The following ACSS2 variants were observed in gnomAD, a reference collection of about 807,000 sequenced individuals.
ACSS2 encodes the protein acetyl-coenzyme A synthetase, cytoplasmic.
Under a neutral mutation model 90.6 loss-of-function variants are expected in ACSS2, and 58 were observed. The ratio of observed to expected loss-of-function variants is 0.64; its 90% CI spans 0.52 to 0.80. ACSS2 has a LOEUF of 0.80. Among genes scored for constraint, ACSS2 ranks in the 30% least tolerant of loss-of-function variants. The pLI, the probability that ACSS2 is intolerant of heterozygous loss-of-function variation, is 0.00. For synonymous variants in ACSS2, 300 were observed against 330.9 expected, an observed-to-expected ratio of 0.91 and a Z score of 1.01; for missense variants, 759 against 912.0, an observed-to-expected ratio of 0.83 and a Z score of 2.16.
intron 2 of ACSS2, among the ~76,000 whole-genome samples, chr20:34,888,267 C>A (rs921856849): frequency 6.6e-6 from 1 of 152,010 alleles, no homozygotes; most frequent in Admixed American, 6.6e-5. Flanking sequence ...TGATCTTGGG[C>A]AAGTTACTTA....
rs926212902 is a variant in ACSS2 at position 34,920,969 on chromosome 20, T to TGA, written c.1144-37_1144-36insGA. 6 of 1,613,082 alleles carry TGA rather than the reference T, an allele frequency of 3.7e-6. No homozygotes were observed. In the African/African-American group the frequency reaches 8.0e-5, roughly 22 times the overall value. On this transcript the variant is annotated intron_variant, in intron 9 of 17. Coordinates refer to ENST00000360596, the MANE Select transcript of ACSS2 (RefSeq NM_018677.4). ...GTAGGGGGATGAATAGAAGGACTAT[T>TGA]AGGAAAGACTGGGAATGACCAGCCT... is the stretch of plus-strand genomic sequence containing the variant.
At chr20:34,887,707 C>T (rs2080231983) in intron 2 of ACSS2, among the ~76,000 whole-genome samples, 1 of 151,856 alleles carries the variant, frequency 6.6e-6, no homozygotes, top group African/African-American at 2.4e-5. Context: ...TGCCATTGCA[C>T]TCCACCCTGG....
At chr20:34,924,887 A>G (rs2081283987) in intron 14 of ACSS2, among the ~76,000 whole-genome samples, 1 of 150,882 alleles carries the variant, frequency 6.6e-6, no homozygotes. Context: ...TTTAGTAGAG[A>G]CGGGGTTTCA....
At chr20:34,909,103 TGGAAGGAAGGCTGA>T (rs1240685408) in intron 2 of ACSS2, among the ~76,000 whole-genome samples, 1 of 147,400 alleles carries the variant, frequency 6.8e-6, no homozygotes, top group Non-Finnish European at 1.5e-5. Flanking sequence ...CCCAACACTT[TGGAAGGAAGGCTGA>T]GGCAGGAGGA....
chr20:34,902,624 C>T (rs757542689), intron 2 of ACSS2, among the ~76,000 whole-genome samples: 5 of 152,056 alleles, frequency 3.3e-5, no homozygotes, highest in African/African-American at 4.8e-5. Flanking sequence ...AGCAGGAGTG[C>T]GGATTTTCTT....
chr20:34,905,222 G>T (rs1384513572), intron 2 of ACSS2, among the ~76,000 whole-genome samples: 5 of 149,626 alleles, frequency 3.3e-5, no homozygotes, highest in Admixed American at 2.6e-4. Flanking sequence ...TGGCCTTAAA[G>T]CTTTAAAAAA....
In ACSS2 at chr20:34,912,093, C is replaced by T. The variant is rs183648723; in HGVS notation, c.375-1003C>T. Among the ~76,000 whole-genome samples, 389 of 152,088 alleles carry T rather than the reference C, an allele frequency of 2.6e-3. 3 individuals carry two copies. The highest frequency in any genetic ancestry group is 0.01 in the Middle Eastern group (3 of 292). On this transcript the variant is annotated intron_variant, in intron 2 of 17. Transcript: ENST00000360596. ...TCAGTCTCCTAGTGTGTTGGGATTA[C>T]AGGAAAGAGCCACCACGCCCCGCCC...
intron 2 of ACSS2, among the ~76,000 whole-genome samples, chr20:34,899,769 G>C (rs2080601051): frequency 6.6e-6 from 1 of 152,120 alleles, no homozygotes; most frequent in South Asian, 2.1e-4. Context: ...TTACAGGCAT[G>C]AGTCACCACA....
chr20:34,923,695 G>A (rs2081250773), intron 14 of ACSS2, among the ~76,000 whole-genome samples: 1 of 152,148 alleles, frequency 6.6e-6, no homozygotes, highest in African/African-American at 2.4e-5. Context: ...AAGAGAGGAA[G>A]CAAGGGAGAG....
chr20:34,927,532 A>G lies in ACSS2; in HGVS notation c.*318A>G. The stretch of plus-strand genomic sequence containing the variant: ...GGGATGTGAGGGCCTCCACTGAAGC[A>G]GGGAGGCAGCTGTGTAATCCTATGT... On this transcript the variant is annotated 3_prime_UTR_variant, in exon 18 of 18. Coordinates refer to ENST00000360596, the MANE Select transcript of ACSS2 (RefSeq NM_018677.4). This position sits in a 1 kb window ranked among gnomAD's most constrained non-coding sequence, Gnocchi z 4.2. 1 of 361,724 alleles carries G rather than the reference A, an allele frequency of 2.8e-6. No homozygotes were observed. Among genetic ancestry groups the G allele is most frequent in the South Asian group, 4.3e-5 (1 of 23,040 alleles). The allele number at this position is 361,724 out of a possible 1,614,324, so 22.4% of individuals were successfully genotyped here.
intron 14 of ACSS2, among the ~76,000 whole-genome samples, chr20:34,924,203 A>G (rs1255704842): frequency 3.3e-5 from 5 of 152,240 alleles, no homozygotes; most frequent in Non-Finnish European, 7.3e-5. Flanking sequence ...CCATTCATCC[A>G]TAAGATCTGA....
At position 34,913,185 on chromosome 20, in the gene ACSS2, A is replaced by G; in HGVS notation, c.464A>G (p.Gln155Arg). The change falls in exon 3 of 18, where the codon CAG (glutamine) becomes CGG (arginine). Residue 155 changes from glutamine to arginine, a missense_variant and splice_region_variant. Gln to Arg is a conservative substitution (Grantham distance 43). Coordinates refer to ENST00000360596, the MANE Select transcript of ACSS2 (RefSeq NM_018677.4). ...VCQFSNVLRK[Q>R]GIQKGDRVAI... is the part of the protein sequence containing the mutation. ...CAGTTCAGCAATGTTCTCCGAAAAC[A>G]GGGTGAGTGTGGGGGTGTGGGAAAG... 1.2e-6 allele frequency: 2 copies of G among 1,614,108 alleles called. No individual in the cohort carries two copies. The highest frequency in any genetic ancestry group is 1.7e-6 in the Non-Finnish European group (2 of 1,180,004).
At chr20:34,925,491 G>GAC (rs2081296342) in intron 14 of ACSS2, among the ~76,000 whole-genome samples, 1 of 152,066 alleles carries the variant, frequency 6.6e-6, no homozygotes, top group South Asian at 2.1e-4. Context: ...ACTAACCCTA[G>GAC]TACAATGAGA....
At chr20:34,909,846 A>G (rs2080905358) in intron 2 of ACSS2, among the ~76,000 whole-genome samples, 1 of 151,378 alleles carries the variant, frequency 6.6e-6, no homozygotes, top group African/African-American at 2.4e-5. Flanking sequence ...CCTCCCAAGT[A>G]GCTGGGACTA....
chr20:34,876,868 A>T (rs1384797876), intron 1 of ACSS2, 45 bp downstream of exon 1: 1 of 1,218,984 alleles, frequency 8.2e-7, no homozygotes, highest in South Asian at 3.4e-5. Flanking sequence ...TGAGGAGAAG[A>T]GTGGGGGCTC....
intron 7 of ACSS2, among the ~76,000 whole-genome samples, chr20:34,914,819 G>A (rs2081043990): frequency 1.3e-5 from 2 of 152,178 alleles, no homozygotes; most frequent in Admixed American, 6.5e-5. Context: ...CCTAAGGGAT[G>A]CCCACCTTGG....
intron 2 of ACSS2, among the ~76,000 whole-genome samples, chr20:34,906,721 G>A (rs548011701): frequency 2.0e-5 from 3 of 152,068 alleles, no homozygotes; most frequent in Admixed American, 1.3e-4. Context: ...AGTGGCTCAC[G>A]CCTGTAATCC....
chr20:34,878,600 TG>T (rs1293348647), intron 1 of ACSS2, among the ~76,000 whole-genome samples: 1 of 152,220 alleles, frequency 6.6e-6, no homozygotes, highest in Admixed American at 6.6e-5. Context: ...GTGGTGGAGT[TG>T]GGATTTGAAC....
chr20:34,896,167 C>A (rs1238729142), intron 2 of ACSS2, among the ~76,000 whole-genome samples: 1 of 152,172 alleles, frequency 6.6e-6, no homozygotes, highest in East Asian at 1.9e-4. Context: ...GTACACAATC[C>A]ATCGGGCACC....
Sources: gnomAD v4.1 joint callset for allele counts (sites outside exome capture counted in the v4.1 genomes callset) on GRCh38, gnomAD v4.1.1 for gene constraint, Gnocchi (gnomAD v3.1) non-coding constraint, MANE v1.5 for transcripts, NCBI Gene and HGNC (gene_info 2026-07-23, HGNC 2026-07-21) for gene names.